Variants in TBXAS1 observed in about 807,000 individuals in gnomAD.
The protein encoded by TBXAS1 is thromboxane A synthase 1.
Under a neutral mutation model 60.7 loss-of-function variants are expected in TBXAS1, and 48 were observed. The observed-to-expected ratio is 0.79, with a 90% CI of 0.63 to 1.01. The LOEUF is 1.01. Ranked by LOEUF, TBXAS1 falls within the 50% of genes least tolerant of loss-of-function variation. The pLI, the probability that TBXAS1 is intolerant of heterozygous loss-of-function variation, is 0.00. For synonymous variants in TBXAS1, 287 were observed against 269.7 expected, an observed-to-expected ratio of 1.06 and a Z score of -0.63; for missense variants, 685 against 686.3, an observed-to-expected ratio of 1.00 and a Z score of 0.02.
intron 12 of TBXAS1, among the ~76,000 whole-genome samples, chr7:140,019,467 C>T (rs911980322): frequency 3.3e-5 from 5 of 152,192 alleles, no homozygotes; most frequent in South Asian, 2.1e-4. Flanking sequence ...AAGGGCTCCC[C>T]GTTCTTCCTT....
chr7:140,000,893 C>G (rs1569524110), intron 9 of TBXAS1, among the ~76,000 whole-genome samples: 1 of 152,226 alleles, frequency 6.6e-6, no homozygotes, highest in Non-Finnish European at 1.5e-5. Context: ...ACAGAAATAT[C>G]ACCTGCTTAG....
At chr7:139,805,710 C>CTTTCTTTCT (rs1469742346) in intron 4 of TBXAS1, among the ~76,000 whole-genome samples, 2 of 41,594 alleles carry the variant, frequency 4.8e-5, no homozygotes, top group Admixed American at 5.8e-4. Context: ...TTCTTTCTTT[C>CTTTCTTTCT]TTTCTCTCTC....
intron 1 of TBXAS1, among the ~76,000 whole-genome samples, chr7:139,839,705 A>T (rs1799303799): frequency 6.6e-6 from 1 of 151,134 alleles, no homozygotes; most frequent in African/African-American, 2.4e-5. Flanking sequence ...ACAAATCAAA[A>T]ATTAGCCAGG....
chr7:139,798,887 G>A (rs1261906616), intron 4 of TBXAS1, among the ~76,000 whole-genome samples: 2 of 152,174 alleles, frequency 1.3e-5, no homozygotes, highest in Admixed American at 6.5e-5. Context: ...TTGCCAGCCA[G>A]TCTGGACCTC....
At chr7:139,824,546 A>G (rs1321416331), upstream of TBXAS1, among the ~76,000 whole-genome samples, 3 of 152,264 alleles carry the variant, frequency 2.0e-5, no homozygotes, top group South Asian at 6.2e-4. Flanking sequence ...ACGTCTGTAC[A>G]GTGGACTGAA....
intron 9 of TBXAS1, among the ~76,000 whole-genome samples, chr7:139,976,418 T>C (rs1811567937): frequency 6.6e-6 from 1 of 152,172 alleles, no homozygotes; most frequent in Non-Finnish European, 1.5e-5. Context: ...CCTCACCAAA[T>C]TCCCAGATTC....
At chr7:139,897,746 G>A (rs933897709) in intron 3 of TBXAS1, among the ~76,000 whole-genome samples, 12 of 152,212 alleles carry the variant, frequency 7.9e-5, no homozygotes, top group Non-Finnish European at 1.6e-4. Flanking sequence ...TGTGAATTCA[G>A]GGTGGACCCC....
Position 139,872,335 on chromosome 7 carries a change from G to A in TBXAS1, c.183+7G>A, listed in dbSNP as rs757813597. On this transcript the variant is annotated splice_region_variant and intron_variant, in intron 2 of 12. Coordinates refer to ENST00000448866, the MANE Select transcript of TBXAS1 (RefSeq NM_001061.7). ...CTTGACATTTTTCCGCCAGGTAAGG[G>A]CTGTCTTCCATTGGCTTCCATCATA... The A allele has an allele frequency of 7.0e-5, 113 of 1,612,790 alleles. 1 individual carries two copies. The highest frequency in any genetic ancestry group is 8.9e-5 in the Non-Finnish European group (105 of 1,179,148).
intron 9 of TBXAS1, among the ~76,000 whole-genome samples, chr7:139,984,642 GAAA>G (rs1812238278): frequency 1.4e-5 from 1 of 72,548 alleles, no homozygotes; most frequent in African/African-American, 6.3e-5. Context: ...GAGAGAGAGA[GAAA>G]GAAAGAAAGG....
chr7:139,972,136 T>C (rs551076129), intron 9 of TBXAS1, among the ~76,000 whole-genome samples: 4 of 152,198 alleles, frequency 2.6e-5, no homozygotes, highest in Non-Finnish European at 4.4e-5. Flanking sequence ...TAGCAATTAA[T>C]GCCCCAAGTC....
chr7:139,844,737 C>T (rs920318562), intron 1 of TBXAS1, among the ~76,000 whole-genome samples: 11 of 152,160 alleles, frequency 7.2e-5, no homozygotes, highest in African/African-American at 2.2e-4. Context: ...TAACTCCATC[C>T]GTACACAGAG....
At chr7:139,981,954 TAATAC>T (rs1231347002) in intron 9 of TBXAS1, among the ~76,000 whole-genome samples, 4 of 152,358 alleles carry the variant, frequency 2.6e-5, no homozygotes, top group South Asian at 2.1e-4. Flanking sequence ...TAAATTTGCA[TAATAC>T]AATACAGCTG....
chr7:140,010,669 A>G (rs981088254), intron 10 of TBXAS1, among the ~76,000 whole-genome samples: 5 of 152,170 alleles, frequency 3.3e-5, no homozygotes, highest in Admixed American at 6.5e-5. Context: ...ATCAGCTCCA[A>G]GCACATATAA....
chr7:139,925,127 T>G (rs1806783053), intron 4 of TBXAS1, among the ~76,000 whole-genome samples: 1 of 152,228 alleles, frequency 6.6e-6, no homozygotes, highest in Non-Finnish European at 1.5e-5. Context: ...CAGGATGGCT[T>G]TGGCTATTTT....
chr7:139,785,080 C>G (rs1239191806), intron 3 of TBXAS1, among the ~76,000 whole-genome samples: 2 of 151,976 alleles, frequency 1.3e-5, no homozygotes, highest in African/African-American at 4.8e-5. Context: ...AATTTACTCC[C>G]TAGGGGATAC....
intron 6 of TBXAS1, among the ~76,000 whole-genome samples, chr7:139,954,091 A>G (rs184181474): frequency 6.6e-6 from 1 of 152,242 alleles, no homozygotes; most frequent in Non-Finnish European, 1.5e-5. Flanking sequence ...CCTGCTTCCA[A>G]CGTGGCCCAG....
intron 3 of TBXAS1, among the ~76,000 whole-genome samples, chr7:139,879,120 A>G (rs1301273727): frequency 6.6e-6 from 1 of 152,240 alleles, no homozygotes; most frequent in African/African-American, 2.4e-5. Flanking sequence ...CATGGGGACA[A>G]TAGGGCTGGA....
chr7:139,938,511 T>C lies in TBXAS1; in HGVS notation c.450+2204T>C, dbSNP rs116145415. On this transcript the variant is annotated intron_variant, in intron 5 of 12. Transcript: ENST00000448866. ...GCCCTGCTCACATTGATCTCTGTTATCTATTGAGGATTCACAGGAGAATGT... is the reference window on the plus strand; with the variant it reads ...GCCCTGCTCACATTGATCTCTGTTACCTATTGAGGATTCACAGGAGAATGT... Among the ~76,000 whole-genome samples the C allele has an allele frequency of 5.2e-3, 788 of 152,290 alleles. 4 individuals carry two copies. Among genetic ancestry groups the C allele is most frequent in the African/African-American group, 0.018 (748 of 41,548 alleles).
intron 9 of TBXAS1, among the ~76,000 whole-genome samples, chr7:139,993,880 T>TTTTC (rs1173925018): frequency 2.7e-5 from 4 of 147,112 alleles, no homozygotes; most frequent in Non-Finnish European, 5.9e-5. Context: ...TGCTTTTTCT[T>TTTTC]TTTCTTTCTT....
Sources: gnomAD v4.1 joint callset for allele counts (sites outside exome capture counted in the v4.1 genomes callset) on GRCh38, gnomAD v4.1.1 for gene constraint, MANE v1.5 for transcripts, NCBI Gene and HGNC (gene_info 2026-07-23, HGNC 2026-07-21) for gene names.